INPP4B: variants seen among roughly 807,000 people sequenced by gnomAD.
INPP4B encodes the protein inositol polyphosphate 4-phosphatase type II.
INPP4B carries 55 observed loss-of-function variants against 122.5 expected under a neutral mutation model. The ratio of observed to expected loss-of-function variants is 0.45; its 90% confidence interval spans 0.36 to 0.56. The LOEUF (loss-of-function observed/expected upper bound fraction) is 0.56. Ranked by LOEUF, INPP4B falls within the 20% of genes least tolerant of loss-of-function variation. INPP4B has a pLI of 0.00. For synonymous variants in INPP4B, 403 were observed against 388.7 expected (o/e 1.04, Z -0.43); for missense variants, 1,000 against 1,097.7 (o/e 0.91, Z 1.26).
At chr4:142,460,859 A>G (rs1816584331) in intron 3 of INPP4B, among the ~76,000 whole-genome samples, 1 of 141,224 alleles carries the variant, frequency 7.1e-6, no homozygotes, top group Non-Finnish European at 1.6e-5. Context: ...AGTGCTGCAA[A>G]GACAAAATCT....
chr4:142,814,971 T>C (rs922746570), intron 1 of INPP4B, among the ~76,000 whole-genome samples: 7 of 152,132 alleles, frequency 4.6e-5, no homozygotes, highest in African/African-American at 1.7e-4. Context: ...TGGAGACTCC[T>C]GATAAACACT....
intron 2 of INPP4B, among the ~76,000 whole-genome samples, chr4:142,557,883 C>A (rs1346284821): frequency 6.6e-6 from 1 of 152,152 alleles, no homozygotes; most frequent in African/African-American, 2.4e-5. Flanking sequence ...TCACCTATTA[C>A]CCCTTCTACG....
chr4:142,235,223 G>A (rs949863766), intron 12 of INPP4B, among the ~76,000 whole-genome samples: 6 of 151,866 alleles, frequency 4.0e-5, no homozygotes, highest in East Asian at 3.9e-4. Context: ...GGCACAAGAC[G>A]GAGTCTATAT....
intron 7 of INPP4B, among the ~76,000 whole-genome samples, chr4:142,348,844 G>A (rs1781103040): frequency 6.6e-6 from 1 of 152,002 alleles, no homozygotes; most frequent in Non-Finnish European, 1.5e-5. Flanking sequence ...AATCCCAGGA[G>A]CTGTTCTGCT....
At chr4:142,240,954 G>A (rs988085724) in intron 11 of INPP4B, among the ~76,000 whole-genome samples, 14 of 151,878 alleles carry the variant, frequency 9.2e-5, no homozygotes, top group Admixed American at 1.3e-4. Flanking sequence ...CTCATGTATC[G>A]AATATTGAAC....
chr4:142,091,654 A>T (rs991330721), intron 23 of INPP4B, among the ~76,000 whole-genome samples: 1 of 152,232 alleles, frequency 6.6e-6, no homozygotes, highest in Non-Finnish European at 1.5e-5. Context: ...CCAATGGAAC[A>T]GAACAATCAA....
chr4:142,606,405 T>C (rs1741273897), intron 2 of INPP4B, among the ~76,000 whole-genome samples: 1 of 151,918 alleles, frequency 6.6e-6, no homozygotes, highest in Non-Finnish European at 1.5e-5. Context: ...CTTGAAACGA[T>C]ACCAACATAA....
intron 1 of INPP4B, among the ~76,000 whole-genome samples, chr4:142,788,844 C>T (rs1776131100): frequency 6.6e-6 from 1 of 151,978 alleles, no homozygotes; most frequent in Non-Finnish European, 1.5e-5. Flanking sequence ...TTATATACCA[C>T]AGTTTCTTTA....
intron 2 of INPP4B, among the ~76,000 whole-genome samples, chr4:142,571,196 G>A (rs1732740904): frequency 6.6e-6 from 1 of 151,354 alleles, no homozygotes; most frequent in Admixed American, 6.6e-5. Context: ...CCCAGCTCCT[G>A]CCTTTATTTT....
chr4:142,796,549 T>C (rs1777257511), intron 1 of INPP4B, among the ~76,000 whole-genome samples: 1 of 151,838 alleles, frequency 6.6e-6, no homozygotes, highest in Admixed American at 6.6e-5. Flanking sequence ...AAAAAGTCTG[T>C]CTGCAGAAAG....
chr4:142,591,468 T>C (rs1191800167), intron 2 of INPP4B, among the ~76,000 whole-genome samples: 1 of 151,798 alleles, frequency 6.6e-6, no homozygotes, highest in African/African-American at 2.4e-5. Context: ...AAATAAATAA[T>C]TGAATAAATA....
At chr4:142,538,134 A>C (rs779301068) in intron 2 of INPP4B, among the ~76,000 whole-genome samples, 5 of 152,150 alleles carry the variant, frequency 3.3e-5, no homozygotes, top group Non-Finnish European at 5.9e-5. Context: ...ATAGCACAGC[A>C]TGGTTTTGAT....
intron 2 of INPP4B, among the ~76,000 whole-genome samples, chr4:142,534,368 G>A (rs942044997): frequency 6.6e-6 from 1 of 152,070 alleles, no homozygotes; most frequent in Non-Finnish European, 1.5e-5. Context: ...AGTCATGAAG[G>A]TGCTGCCCTT....
At chr4:142,410,194 C>A (rs1352912478) in intron 5 of INPP4B, among the ~76,000 whole-genome samples, 1 of 152,140 alleles carries the variant, frequency 6.6e-6, no homozygotes, top group Non-Finnish European at 1.5e-5. Context: ...TTGAGTTCAG[C>A]AACACTGCTC....
At chr4:142,054,155 T>G (rs1756218733) in intron 25 of INPP4B, among the ~76,000 whole-genome samples, 1 of 152,090 alleles carries the variant, frequency 6.6e-6, no homozygotes. Flanking sequence ...TCATACTGTA[T>G]GCTGCTCTGT....
intron 11 of INPP4B, among the ~76,000 whole-genome samples, chr4:142,238,653 G>A (rs112142656): frequency 0.029 from 4,438 of 152,114 alleles, 198 homozygotes; most frequent in African/African-American, 0.1. Context: ...CTGAAACCAT[G>A]TATTATCAGA....
At chr4:142,676,403 TG>T (rs1757784616) in intron 2 of INPP4B, among the ~76,000 whole-genome samples, 1 of 152,080 alleles carries the variant, frequency 6.6e-6, no homozygotes, top group Non-Finnish European at 1.5e-5. Flanking sequence ...AACATTAAAA[TG>T]GCCATACTGC....
chr4:142,414,772 T>C (rs1805323505), intron 5 of INPP4B, among the ~76,000 whole-genome samples: 1 of 152,176 alleles, frequency 6.6e-6, no homozygotes, highest in Admixed American at 6.5e-5. Flanking sequence ...ATGCCATAAA[T>C]TCTAAGCTGG....
chr4:142,760,791 C>A (rs1183894562), intron 1 of INPP4B, among the ~76,000 whole-genome samples: 1 of 152,096 alleles, frequency 6.6e-6, no homozygotes, highest in Non-Finnish European at 1.5e-5. Context: ...ATGGTGCTAC[C>A]ACATCCAGGA....
Sources: allele counts gnomAD v4.1 joint callset (sites outside exome capture counted in the v4.1 genomes callset), GRCh38; gene constraint gnomAD v4.1.1; transcripts MANE v1.5; gene names NCBI Gene and HGNC (gene_info 2026-07-23, HGNC 2026-07-21).